The following INPP4B variants were observed in gnomAD, a reference collection of about 807,000 sequenced individuals.
The protein encoded by INPP4B is inositol polyphosphate 4-phosphatase type II.
A neutral mutation model predicts 122.5 loss-of-function variants in INPP4B; 55 were observed. That is an observed-to-expected ratio of 0.45 (90% confidence interval 0.36 to 0.56). INPP4B has a LOEUF of 0.56. Ranked by LOEUF, INPP4B falls within the 20% of genes least tolerant of loss-of-function variation. The pLI, the probability that INPP4B is intolerant of heterozygous loss-of-function variation, is 0.00. For missense variants in INPP4B, 1,000 were observed against 1,097.7 expected (o/e 0.91, Z 1.26); for synonymous variants, 403 against 388.7 (o/e 1.04, Z -0.43).
intron 9 of INPP4B, among the ~76,000 whole-genome samples, chr4:142,295,929 T>C (rs780832021): frequency 2.0e-4 from 31 of 152,164 alleles, no homozygotes; most frequent in Non-Finnish European, 4.6e-4. Context: ...TTGGTAAATA[T>C]GGGCAAATCC....
At chr4:142,642,633 G>A (rs544200138) in intron 2 of INPP4B, among the ~76,000 whole-genome samples, 1 of 152,296 alleles carries the variant, frequency 6.6e-6, no homozygotes, top group South Asian at 2.1e-4. Context: ...CTATATCTCT[G>A]TTTTGGTACC....
At chr4:142,608,660 C>T (rs945574392) in intron 2 of INPP4B, among the ~76,000 whole-genome samples, 3 of 152,128 alleles carry the variant, frequency 2.0e-5, no homozygotes, top group Non-Finnish European at 2.9e-5. Context: ...CTCCCTCTGA[C>T]CTACTCTGTA....
intron 14 of INPP4B, among the ~76,000 whole-genome samples, chr4:142,196,440 A>G (rs1199681575): frequency 6.6e-6 from 1 of 152,158 alleles, no homozygotes; most frequent in Non-Finnish European, 1.5e-5. Flanking sequence ...CCCTGTGACA[A>G]TTACAGACAA....
chr4:142,153,747 A>T (rs1384152778), intron 17 of INPP4B, among the ~76,000 whole-genome samples: 1 of 152,212 alleles, frequency 6.6e-6, no homozygotes, highest in Non-Finnish European at 1.5e-5. Flanking sequence ...TCTGAAAAAG[A>T]CATTGAGCTA....
intron 24 of INPP4B, among the ~76,000 whole-genome samples, chr4:142,085,740 C>T (rs1776416857): frequency 6.6e-6 from 1 of 152,156 alleles, no homozygotes; most frequent in Admixed American, 6.5e-5. Context: ...ACAATATGTC[C>T]AGGAGCCTTA....
intron 7 of INPP4B, among the ~76,000 whole-genome samples, chr4:142,382,266 T>C (rs900322091): frequency 2.6e-5 from 4 of 151,962 alleles, no homozygotes; most frequent in Admixed American, 6.6e-5. Context: ...CCCAATACTT[T>C]GGGAGGCCAA....
intron 2 of INPP4B, among the ~76,000 whole-genome samples, chr4:142,465,654 G>A (rs1352118876): frequency 1.3e-5 from 2 of 152,068 alleles, no homozygotes; most frequent in Non-Finnish European, 2.9e-5. Context: ...ATGGGGTTTG[G>A]ATGTTTGTCA....
At chr4:142,476,766 T>A (rs538072117) in intron 2 of INPP4B, among the ~76,000 whole-genome samples, 1 of 152,168 alleles carries the variant, frequency 6.6e-6, no homozygotes, top group Non-Finnish European at 1.5e-5. Context: ...AACTATCCAA[T>A]GTATACACAC....
intron 15 of INPP4B, among the ~76,000 whole-genome samples, chr4:142,186,876 A>C (rs1324356425): frequency 6.6e-6 from 1 of 152,188 alleles, no homozygotes; most frequent in Non-Finnish European, 1.5e-5. Flanking sequence ...TACTTCATAC[A>C]GTATGTTCAA....
At chr4:142,160,658 T>C in intron 16 of INPP4B, 97 bp from the exon 17 acceptor site, 1 of 788,720 alleles carries the variant, frequency 1.3e-6, no homozygotes, top group Non-Finnish European at 1.9e-6. Context: ...ACTTAAGTGG[T>C]GTGTATGGTG....
Position 142,025,635 on chromosome 4 carries a change from CTCTTA to C in INPP4B, c.*3142_*3146del, listed in dbSNP as rs1363897064. ...CACATCAGTTTCTCTCCTTTTTTAC[CTCTTA>C]TTTTATGTAAAGTGCCATACATAGC... On this transcript the variant is annotated 3_prime_UTR_variant, in exon 26 of 26. Coordinates refer to ENST00000262992, the MANE Select transcript of INPP4B (RefSeq NM_001101669.3). 6.6e-6 allele frequency: 1 copy of C among 152,086 alleles called. No homozygotes were observed. The highest frequency in any genetic ancestry group is 1.5e-5 in the Non-Finnish European group (1 of 68,012). The allele number at this position is 152,086 out of a possible 1,614,324, so 9.4% of individuals were successfully genotyped here. A position where few individuals can be genotyped will look rare whatever the true frequency, so the allele number is the denominator to read the frequency against.
In INPP4B at chr4:142,091,433, A is replaced by G. The variant is rs189269239; in HGVS notation, c.2375-5177T>C. Among the ~76,000 whole-genome samples the G allele has an allele frequency of 1.7e-3, 254 of 152,350 alleles. 1 individual carries two copies. Among genetic ancestry groups the G allele is most frequent in the Non-Finnish European group, 3.2e-3 (215 of 68,038 alleles). Reference sequence around the variant, plus strand: ...AAACAATGAATAAAACTCTTGGCAGAAAAGGCTACATTATTAAATTCTGTG... The same window carrying G: ...AAACAATGAATAAAACTCTTGGCAGGAAAGGCTACATTATTAAATTCTGTG... On this transcript the variant is annotated intron_variant, in intron 23 of 25. Transcript: ENST00000262992.
At chr4:142,492,324 A>C (rs1821985456) in intron 2 of INPP4B, among the ~76,000 whole-genome samples, 1 of 152,138 alleles carries the variant, frequency 6.6e-6, no homozygotes, top group African/African-American at 2.4e-5. Flanking sequence ...AAAGACACCC[A>C]AAAATGTGGA....
intron 3 of INPP4B, among the ~76,000 whole-genome samples, chr4:142,432,806 T>C (rs1809618587): frequency 6.6e-6 from 1 of 152,110 alleles, no homozygotes; most frequent in Admixed American, 6.6e-5. Flanking sequence ...TGATCAGTCA[T>C]CTTCAAATGT....
intron 2 of INPP4B, among the ~76,000 whole-genome samples, chr4:142,717,895 GAAAAAAGAAAGC>G (rs1255684472): frequency 3.7e-3 from 132 of 35,622 alleles, no homozygotes; most frequent in Non-Finnish European, 6.3e-3. Flanking sequence ...ATAATAATAA[GAAAAAAGAAAGC>G]AAAAAAAAAA....
intron 1 of INPP4B, among the ~76,000 whole-genome samples, chr4:142,764,149 A>G (rs768657074): frequency 8.5e-5 from 13 of 152,132 alleles, no homozygotes; most frequent in Admixed American, 1.3e-4. Flanking sequence ...GTTAGACAAA[A>G]TTACACATGC....
Position 142,214,550 on chromosome 4 carries a change from G to A in INPP4B, c.837-5524C>T, listed in dbSNP as rs1162897303. Reference sequence around the variant, plus strand: ...GAATCATAAATATAGTTCAAAGCACGTCAATTCTTTTTTCTTTTTTGAGAT... The same window carrying A: ...GAATCATAAATATAGTTCAAAGCACATCAATTCTTTTTTCTTTTTTGAGAT... On this transcript the variant is annotated intron_variant, in intron 12 of 25. Coordinates refer to ENST00000262992, the MANE Select transcript of INPP4B (RefSeq NM_001101669.3). Among the ~76,000 whole-genome samples, 6 of 152,246 alleles carry A rather than the reference G, an allele frequency of 3.9e-5. No homozygotes were observed. The East Asian group carries it at 5.8e-4, about 15-fold the overall frequency.
intron 25 of INPP4B, among the ~76,000 whole-genome samples, chr4:142,054,832 T>C (rs1756732930): frequency 6.6e-6 from 1 of 150,412 alleles, no homozygotes; most frequent in Non-Finnish European, 1.5e-5. Context: ...AGTTAATCTT[T>C]ATTATGTACT....
At chr4:142,545,955 C>T (rs1829598441) in intron 2 of INPP4B, among the ~76,000 whole-genome samples, 2 of 151,524 alleles carry the variant, frequency 1.3e-5, no homozygotes, top group South Asian at 4.2e-4. Context: ...ATTTTTAGTT[C>T]AGCAGTACAA....
Sources: gnomAD v4.1 joint callset for allele counts (sites outside exome capture counted in the v4.1 genomes callset) on GRCh38, gnomAD v4.1.1 for gene constraint, MANE v1.5 for transcripts, NCBI Gene and HGNC (gene_info 2026-07-23, HGNC 2026-07-21) for gene names.